The following SLC16A12 variants were observed in gnomAD, a reference collection of about 807,000 sequenced individuals.
The protein encoded by SLC16A12 is monocarboxylate transporter 12.
SLC16A12 carries 17 observed loss-of-function variants against 42.4 expected under a neutral mutation model. The observed-to-expected ratio is 0.40, with a 90% CI of 0.27 to 0.60. SLC16A12 has a LOEUF of 0.60. SLC16A12 is among the 20% of genes least tolerant of loss of function. SLC16A12 has a pLI of 0.42. For synonymous variants in SLC16A12, 224 were observed against 229.4 expected, an observed-to-expected ratio of 0.98 and a Z score of 0.21; for missense variants, 544 against 623.0, an observed-to-expected ratio of 0.87 and a Z score of 1.35.
chr10:89,464,940 G>C (rs867261415), intron 2 of SLC16A12, among the ~76,000 whole-genome samples: 8 of 152,056 alleles, frequency 5.3e-5, no homozygotes, highest in Non-Finnish European at 7.4e-5. Context: ...CAAAAGTATT[G>C]GGAGACCAAT....
At chr10:89,448,072 C>A (rs79132230) in intron 3 of SLC16A12, among the ~76,000 whole-genome samples, 1 of 152,134 alleles carries the variant, frequency 6.6e-6, no homozygotes, top group Non-Finnish European at 1.5e-5. Flanking sequence ...GAAGCTGAAT[C>A]CCTGAATAGA....
In SLC16A12 at chr10:89,503,651, G is replaced by C. The variant is rs1843020028; in HGVS notation, c.-47+30850C>G. Among the ~76,000 whole-genome samples, 4 of 152,222 alleles carry C rather than the reference G, an allele frequency of 2.6e-5. No individual in the cohort carries two copies. In the South Asian group the frequency reaches 8.3e-4, roughly 31 times the overall value. ...GTAGCCTGAAAAGACCATGGGGCCA[G>C]GTGAGTCAAGAAGGGTGGGTGTTTT... is the stretch of plus-strand genomic sequence containing the variant. On this transcript the variant is annotated intron_variant, in intron 2 of 7. Transcript: ENST00000371790.
intron 2 of SLC16A12, among the ~76,000 whole-genome samples, chr10:89,523,560 T>C (rs1162126101): frequency 3.9e-5 from 6 of 152,246 alleles, no homozygotes; most frequent in African/African-American, 1.4e-4. Flanking sequence ...TATTTATCTT[T>C]CTTCCCTACC....
chr10:89,439,198 AACTC>A lies in SLC16A12; in HGVS notation c.449-19_449-16del. On this transcript the variant is annotated splice_polypyrimidine_tract_variant and intron_variant, in intron 5 of 7. Coordinates refer to ENST00000371790, the MANE Select transcript of SLC16A12 (RefSeq NM_213606.4). ...AAATCCAAGACCTGAGGATAAAGAG[AACTC>A]TATGAGTGCTGAAGTACCATAAACA... 1.2e-6 allele frequency: 2 copies of A among 1,611,872 alleles called. No homozygotes were observed. Among genetic ancestry groups the A allele is most frequent in the Non-Finnish European group, 1.7e-6 (2 of 1,178,134 alleles).
chr10:89,524,586 G>A (rs1198455623), intron 2 of SLC16A12, among the ~76,000 whole-genome samples: 2 of 152,218 alleles, frequency 1.3e-5, no homozygotes, highest in African/African-American at 2.4e-5. Flanking sequence ...AACGTTAAGT[G>A]CCTCTGGCTC....
intron 2 of SLC16A12, chr10:89,462,959 A>T (rs1396637014): frequency 5.3e-6 from 1 of 190,034 alleles, no homozygotes; most frequent in Admixed American, 5.6e-5. Flanking sequence ...TCATCAACTC[A>T]AAGGCAAAGG....
chr10:89,556,019 T>G lies in SLC16A12; in HGVS notation c.-146-38A>C, dbSNP rs570927139. ...GAGATAAAACAGCCATCAGTTAAAT[T>G]ATCAAACACAGAATTTCAAGCTGCA... is the stretch of plus-strand genomic sequence containing the variant. On this transcript the variant is annotated intron_variant, in intron 1 of 2. Transcript: ENST00000475682. The G allele has an allele frequency of 2.0e-5, 3 of 152,074 alleles. No homozygotes were observed. The East Asian group carries it at 5.8e-4, about 29-fold the overall frequency. 9.4% of individuals were successfully genotyped at this position (152,074 alleles called of 1,614,324 possible).
At chr10:89,448,229 A>C (rs1188301966) in intron 3 of SLC16A12, among the ~76,000 whole-genome samples, 1 of 152,232 alleles carries the variant, frequency 6.6e-6, no homozygotes, top group African/African-American at 2.4e-5. Flanking sequence ...AATCAGGAGA[A>C]TAACAGGGAA....
At chr10:89,484,749 T>C (rs1347105107) in intron 2 of SLC16A12, among the ~76,000 whole-genome samples, 1 of 152,204 alleles carries the variant, frequency 6.6e-6, no homozygotes, top group Non-Finnish European at 1.5e-5. Context: ...TAAGAAGGCA[T>C]TGCTTCCTTA....
intron 2 of SLC16A12, among the ~76,000 whole-genome samples, chr10:89,464,750 C>T (rs1842364250): frequency 6.6e-6 from 1 of 152,120 alleles, no homozygotes; most frequent in African/African-American, 2.4e-5. Flanking sequence ...CTTGTGACTT[C>T]AGAGAGTGCA....
At chr10:89,533,489 C>G (rs557041065) in intron 2 of SLC16A12, among the ~76,000 whole-genome samples, 58 of 152,236 alleles carry the variant, frequency 3.8e-4, no homozygotes, top group African/African-American at 1.3e-3. Context: ...CTTTGAAACT[C>G]CTTTCTTAGC....
intron 2 of SLC16A12, among the ~76,000 whole-genome samples, chr10:89,542,150 A>G (rs1843719125): frequency 6.6e-6 from 1 of 152,126 alleles, no homozygotes; most frequent in Non-Finnish European, 1.5e-5. Flanking sequence ...TGTGAAGGTG[A>G]GGTGTTCTCT....
chr10:89,462,358 T>C, intron 3 of SLC16A12, 21 bp downstream of exon 3: 1 of 1,613,842 alleles, frequency 6.2e-7, no homozygotes, highest in Admixed American at 1.7e-5. Flanking sequence ...CTTAATAAGT[T>C]AAGAAGAAAA....
intron 2 of SLC16A12, among the ~76,000 whole-genome samples, chr10:89,467,576 G>T (rs529002657): frequency 2.6e-5 from 4 of 152,074 alleles, no homozygotes; most frequent in African/African-American, 9.7e-5. Context: ...AAACTATTAC[G>T]ATGCAATATT....
chr10:89,441,074 G>T, intron 5 of SLC16A12, 34 bp downstream of exon 5: 1 of 1,612,192 alleles, frequency 6.2e-7, no homozygotes, highest in Non-Finnish European at 8.5e-7. Flanking sequence ...CCTGAATGGA[G>T]TGGGGTGAGA....
chr10:89,518,539 C>T (rs1843295015), intron 2 of SLC16A12, among the ~76,000 whole-genome samples: 1 of 152,172 alleles, frequency 6.6e-6, no homozygotes, highest in African/African-American at 2.4e-5. Context: ...GCAGTATCTC[C>T]TTTATTCCCT....
At chr10:89,464,864 A>G (rs1181218525) in intron 2 of SLC16A12, among the ~76,000 whole-genome samples, 2 of 152,160 alleles carry the variant, frequency 1.3e-5, no homozygotes, top group Non-Finnish European at 2.9e-5. Context: ...CATGCTGTTA[A>G]CCATCCTGTG....
intron 4 of SLC16A12, among the ~76,000 whole-genome samples, chr10:89,441,732 A>G (rs1228977456): frequency 1.3e-5 from 2 of 152,178 alleles, no homozygotes; most frequent in Admixed American, 1.3e-4. Context: ...AATCTGGCCC[A>G]GTTTTCAGGC....
In SLC16A12 at chr10:89,541,722, A is replaced by G. The variant is rs545802169; in HGVS notation, c.-47+14160T>C. Among the ~76,000 whole-genome samples, 7 of 152,344 alleles carry G rather than the reference A, an allele frequency of 4.6e-5. No homozygotes were observed. The South Asian group carries it at 1.5e-3, about 32-fold the overall frequency. ...TCTTTGTTGTGGGGCTCCCCTGTGC[A>G]TTGTAGAACATTTAGCAGCATCTTT... On this transcript the variant is annotated intron_variant, in intron 2 of 2. Transcript: ENST00000475682.
Sources: gnomAD v4.1 joint callset for allele counts (sites outside exome capture counted in the v4.1 genomes callset) on GRCh38, gnomAD v4.1.1 for gene constraint, MANE v1.5 for transcripts, NCBI Gene and HGNC (gene_info 2026-07-23, HGNC 2026-07-21) for gene names.